Variants in ADAMTSL2 observed in about 807,000 individuals in gnomAD.
ADAMTSL2 encodes the protein ADAMTS like 2.
In ADAMTSL2, 55 loss-of-function variants were observed where a neutral mutation model predicts 117.0. The observed-to-expected ratio is 0.47, with a 90% confidence interval of 0.38 to 0.59. The LOEUF (loss-of-function observed/expected upper bound fraction) is 0.59, where lower values mean the gene tolerates loss of function less well. Ranked by LOEUF, ADAMTSL2 falls within the 20% of genes least tolerant of loss-of-function variation. ADAMTSL2 has a pLI of 0.00. For synonymous variants in ADAMTSL2, 572 were observed against 566.4 expected, an observed-to-expected ratio of 1.01 and a Z score of -0.14; for missense variants, 1,182 against 1,354.5, an observed-to-expected ratio of 0.87 and a Z score of 2.00.
Position 133,575,101 on chromosome 9 carries a change from C to A in ADAMTSL2, c.*237C>A. On this transcript the variant is annotated 3_prime_UTR_variant, in exon 19 of 19. Transcript: ENST00000651351. Reference sequence around the variant, plus strand: ...ACAGAGCCACCCCTGCCGTGGGAACCTGTCCGTGTTCCTGCGTGGATCCTG... The same window carrying A: ...ACAGAGCCACCCCTGCCGTGGGAACATGTCCGTGTTCCTGCGTGGATCCTG... 1.8e-6 allele frequency: 1 copy of A among 569,882 alleles called. No homozygotes were observed. Among genetic ancestry groups the A allele is most frequent in the Non-Finnish European group, 3.2e-6 (1 of 316,604 alleles). 35.3% of individuals were successfully genotyped at this position (569,882 alleles called of 1,614,324 possible). A position where few individuals can be genotyped will look rare whatever the true frequency, so the allele number is the denominator to read the frequency against.
intron 4 of ADAMTSL2, among the ~76,000 whole-genome samples, chr9:133,538,811 C>T (rs933890948): frequency 6.6e-6 from 1 of 152,124 alleles, no homozygotes; most frequent in Non-Finnish European, 1.5e-5. Flanking sequence ...CAGTACCCCC[C>T]ACGCCATAAA....
rs1050057510 is a variant in ADAMTSL2, at chr9:133,575,347, A to C, written c.*483A>C. The C allele has an allele frequency of 2.4e-3, 476 of 195,144 alleles. 3 individuals carry two copies. Among genetic ancestry groups the C allele is most frequent in the African/African-American group, 0.01 (448 of 42,786 alleles). 12.1% of individuals were successfully genotyped at this position (195,144 alleles called of 1,614,324 possible). A position where few individuals can be genotyped will look rare whatever the true frequency, so the allele number is the denominator to read the frequency against. ...GGGGCTCAGGCAGCCAAGGAGGCCC[A>C]GGCGTGCTCCCTCTTATGGAGCCCC... On this transcript the variant is annotated 3_prime_UTR_variant, in exon 19 of 19. Coordinates refer to ENST00000651351, the MANE Select transcript of ADAMTSL2 (RefSeq NM_014694.4).
chr9:133,536,680 G>T lies in ADAMTSL2; in HGVS notation c.-33G>T, dbSNP rs1309730554. 1 of 1,614,058 alleles carries T rather than the reference G, an allele frequency of 6.2e-7. No homozygotes were observed. Among genetic ancestry groups the T allele is most frequent in the Non-Finnish European group, 8.5e-7 (1 of 1,180,036 alleles). ...GGTCATCTGGAAGAGGATCGGAGCT[G>T]GCCTGGTGGTGACAGTGGCCTTGCT... On this transcript the variant is annotated 5_prime_UTR_variant, in exon 2 of 19. Coordinates refer to ENST00000651351, the MANE Select transcript of ADAMTSL2 (RefSeq NM_014694.4).
At chr9:133,537,356 C>A in intron 2 of ADAMTSL2, 49 bp from the exon 3 acceptor site, 1 of 1,328,354 alleles carries the variant, frequency 7.5e-7, no homozygotes, top group South Asian at 2.8e-5. Context: ...GCAGGCTGGT[C>A]CTCCTGGGCA....
rs1395611693 is a variant in ADAMTSL2 at position 133,558,665 on chromosome 9, C to T, written c.1650-2533C>T. On this transcript the variant is annotated intron_variant, in intron 11 of 18. Coordinates refer to ENST00000651351, the MANE Select transcript of ADAMTSL2 (RefSeq NM_014694.4). The surrounding 1 kb of genome is among the most constrained non-coding windows in gnomAD (Gnocchi z 4.3). Reference sequence around the variant, plus strand: ...CTGGGCGAAGGACCCTGAGGAGTGACAGGTGGTCTGGTGGTGACTCCACAG... The same window carrying T: ...CTGGGCGAAGGACCCTGAGGAGTGATAGGTGGTCTGGTGGTGACTCCACAG... 6.6e-6 allele frequency among the ~76,000 whole-genome samples: 1 copy of T among 152,250 alleles called. No homozygotes were observed. The highest frequency in any genetic ancestry group is 1.5e-5 in the Non-Finnish European group (1 of 68,046).
chr9:133,574,040 G>A, intron 18 of ADAMTSL2, 53 bp downstream of exon 18: 1 of 1,572,154 alleles, frequency 6.4e-7, no homozygotes, highest in Admixed American at 1.8e-5. Flanking sequence ...GGGAGGCGAG[G>A]ACAGAGTCAG....
Position 133,554,746 on chromosome 9 carries a change from AG to A in ADAMTSL2, c.1276+58del. 7.1e-7 allele frequency: 1 copy of A among 1,418,294 alleles called. No individual in the cohort carries two copies. Among genetic ancestry groups the A allele is most frequent in the South Asian group, 1.5e-5 (1 of 67,628 alleles). 87.9% of individuals were successfully genotyped at this position (1,418,294 alleles called of 1,614,324 possible). A position where few individuals can be genotyped will look rare whatever the true frequency, so the allele number is the denominator to read the frequency against. ...TGGGGCCCGGGAGGCAGCCCAGGGA[AG>A]GGGGCCTTGGGGAAGGGGTCTCAGA... On this transcript the variant is annotated intron_variant, in intron 10 of 18. Coordinates refer to ENST00000651351, the MANE Select transcript of ADAMTSL2 (RefSeq NM_014694.4). This position sits in a 1 kb window ranked among gnomAD's most constrained non-coding sequence, Gnocchi z 5.2.
rs1830667867 is a variant in ADAMTSL2, at chr9:133,558,988, G to A, written c.1650-2210G>A. ...AATCCAAAGGGTTATTTTGAACCGG[G>A]CCCGCTCTCTCTTGAGTCAGGCATG... On this transcript the variant is annotated intron_variant, in intron 11 of 18. Transcript: ENST00000651351. The surrounding 1 kb of genome is among the most constrained non-coding windows in gnomAD (Gnocchi z 4.3). 6.6e-6 allele frequency among the ~76,000 whole-genome samples: 1 copy of A among 152,172 alleles called. No homozygotes were observed. Among genetic ancestry groups the A allele is most frequent in the Non-Finnish European group, 1.5e-5 (1 of 68,038 alleles).
intron 9 of ADAMTSL2, among the ~76,000 whole-genome samples, chr9:133,547,704 C>A (rs1830385633): frequency 6.6e-6 from 1 of 152,176 alleles, no homozygotes; most frequent in African/African-American, 2.4e-5. Context: ...TATGCCCCTA[C>A]CTAGCTTCAG....
intron 12 of ADAMTSL2, 100 bp downstream of exon 12, chr9:133,561,395 A>T: frequency 8.9e-7 from 1 of 1,120,144 alleles, no homozygotes. Flanking sequence ...GCAGCCCCCA[A>T]ACTGCCCTCG....
At chr9:133,573,082 TG>T (rs3838734) in intron 17 of ADAMTSL2, among the ~76,000 whole-genome samples, 37,647 of 152,180 alleles carry the variant, frequency 0.25, 5,118 homozygotes, top group African/African-American at 0.35. Context: ...CTTGCTCCTT[TG>T]CAAACAGAAG....
intron 11 of ADAMTSL2, among the ~76,000 whole-genome samples, chr9:133,556,276 A>G (rs1033176191): frequency 3.3e-4 from 51 of 152,330 alleles, no homozygotes; most frequent in African/African-American, 1.2e-3. Context: ...AGCATTTTAT[A>G]TGCATGGAAA....
At chr9:133,553,682 C>G (rs1044532146) in intron 9 of ADAMTSL2, among the ~76,000 whole-genome samples, 9 of 152,186 alleles carry the variant, frequency 5.9e-5, no homozygotes, top group African/African-American at 1.7e-4. Context: ...TCTCCGACAT[C>G]CTATTTTAAA....
chr9:133,552,347 C>T (rs1830506505), intron 9 of ADAMTSL2, among the ~76,000 whole-genome samples: 1 of 152,168 alleles, frequency 6.6e-6, no homozygotes, highest in African/African-American at 2.4e-5. Flanking sequence ...ATCTCTGCTC[C>T]TCTGGAAGAC....
intron 12 of ADAMTSL2, among the ~76,000 whole-genome samples, chr9:133,561,628 T>C (rs1830730924): frequency 6.6e-6 from 1 of 152,144 alleles, no homozygotes; most frequent in East Asian, 1.9e-4. Context: ...TAAGAAATCT[T>C]AGGTAGCAGA....
upstream of ADAMTSL2, among the ~76,000 whole-genome samples, chr9:133,533,065 G>A (rs1024703655): frequency 6.6e-6 from 1 of 152,204 alleles, no homozygotes; most frequent in African/African-American, 2.4e-5. Context: ...CAAGGGGTGC[G>A]AGGCCTGGCG....
rs532701486 is a variant in ADAMTSL2 at position 133,534,921 on chromosome 9, G to A, written c.-151+4G>A. ...CAACCTGCTGACCCGAAGCCAGGTAGGCCACCTCGTCCCCGTCCCCCTCAC... is the reference window on the plus strand; with the variant it reads ...CAACCTGCTGACCCGAAGCCAGGTAAGCCACCTCGTCCCCGTCCCCCTCAC... On this transcript the variant is annotated splice_donor_region_variant and intron_variant, in intron 1 of 18. Coordinates refer to ENST00000651351, the MANE Select transcript of ADAMTSL2 (RefSeq NM_014694.4). 2.4e-5 allele frequency: 34 copies of A among 1,391,812 alleles called. No homozygotes were observed. Among genetic ancestry groups the A allele is most frequent in the Non-Finnish European group, 3.1e-5 (33 of 1,066,298 alleles). 86.2% of individuals were successfully genotyped at this position (1,391,812 alleles called of 1,614,324 possible). A position where few individuals can be genotyped will look rare whatever the true frequency, so the allele number is the denominator to read the frequency against.
In ADAMTSL2 at chr9:133,534,772, C is replaced by A; in HGVS notation, c.-296C>A. On this transcript the variant is annotated 5_prime_UTR_variant, in exon 1 of 19. Coordinates refer to ENST00000651351, the MANE Select transcript of ADAMTSL2 (RefSeq NM_014694.4). Reference sequence around the variant, plus strand: ...TTTGAAGTGGGAGAGGGAGGCGGCGCGGGGGAGGAGGGGAAGGGGAGAGGG... The same window carrying A: ...TTTGAAGTGGGAGAGGGAGGCGGCGAGGGGGAGGAGGGGAAGGGGAGAGGG... 1 of 1,462,076 alleles carries A rather than the reference C, an allele frequency of 6.8e-7. No individual in the cohort carries two copies. The highest frequency in any genetic ancestry group is 9.1e-7 in the Non-Finnish European group (1 of 1,100,186). The allele number at this position is 1,462,076 out of a possible 1,614,324, so 90.6% of individuals were successfully genotyped here. A position where few individuals can be genotyped will look rare whatever the true frequency, so the allele number is the denominator to read the frequency against.
chr9:133,573,241 G>A (rs995572788), intron 17 of ADAMTSL2, among the ~76,000 whole-genome samples: 4 of 152,234 alleles, frequency 2.6e-5, no homozygotes, highest in South Asian at 4.1e-4. Context: ...TTGGCAGGAG[G>A]ACAGCAGGGT....
Sources: allele counts gnomAD v4.1 joint callset (sites outside exome capture counted in the v4.1 genomes callset), GRCh38; gene constraint gnomAD v4.1.1; non-coding constraint Gnocchi (gnomAD v3.1); transcripts MANE v1.5; gene names NCBI Gene and HGNC (gene_info 2026-07-23, HGNC 2026-07-21).